Variants in CERT1 observed in about 807,000 individuals in gnomAD.
The protein encoded by CERT1 is ceramide transfer protein.
In CERT1, 31 loss-of-function variants were observed where a neutral mutation model predicts 87.9. That is an observed-to-expected ratio of 0.35 (90% CI 0.27 to 0.48). The LOEUF (loss-of-function observed/expected upper bound fraction) is 0.48. CERT1 is among the 20% of genes least tolerant of loss of function. The pLI is 0.99. For synonymous variants in CERT1, 289 were observed against 250.9 expected, an observed-to-expected ratio of 1.15 and a Z score of -1.44; for missense variants, 487 against 758.0, an observed-to-expected ratio of 0.64 and a Z score of 4.20.
intron 1 of CERT1, among the ~76,000 whole-genome samples, chr5:75,507,401 C>T (rs959124527): frequency 6.6e-6 from 1 of 152,068 alleles, no homozygotes; most frequent in Non-Finnish European, 1.5e-5. Flanking sequence ...GAGCCACCAT[C>T]CCTAGCCAGT....
At chr5:75,413,705 C>A (rs1763022903) in intron 7 of CERT1, among the ~76,000 whole-genome samples, 1 of 151,578 alleles carries the variant, frequency 6.6e-6, no homozygotes, top group South Asian at 2.1e-4. Context: ...ACACACAATA[C>A]CAAGTACAGT....
chr5:75,488,041 T>C (rs559232381), intron 2 of CERT1, among the ~76,000 whole-genome samples: 2 of 152,102 alleles, frequency 1.3e-5, no homozygotes, highest in African/African-American at 4.8e-5. Flanking sequence ...AGTACAATGA[T>C]GGTTACCAGA....
At chr5:75,469,748 T>C (rs547338343) in intron 2 of CERT1, among the ~76,000 whole-genome samples, 1 of 152,188 alleles carries the variant, frequency 6.6e-6, no homozygotes, top group South Asian at 2.1e-4. Flanking sequence ...GCCTTAAATA[T>C]AAATGGATTA....
chr5:75,459,246 A>G, intron 2 of CERT1, 65 bp from the exon 3 acceptor site: 1 of 897,486 alleles, frequency 1.1e-6, no homozygotes, highest in Non-Finnish European at 1.9e-6. Context: ...TTACACCCCA[A>G]AGCCAAAACA....
Position 75,398,183 on chromosome 5 carries a change from G to A in CERT1, c.1188+1127C>T, listed in dbSNP as rs1580715023. On this transcript the variant is annotated intron_variant, in intron 11 of 16. Coordinates refer to ENST00000643780, the MANE Select transcript of CERT1 (RefSeq NM_001379029.1). The stretch of plus-strand genomic sequence containing the variant: ...CGCTGTACAAGTCAGAAAAATTAAA[G>A]TCTTAATATTCTTCTCTATTGCAGG... Among the ~76,000 whole-genome samples, 4 of 152,144 alleles carry A rather than the reference G, an allele frequency of 2.6e-5. 1 individual carries two copies. Among genetic ancestry groups the A allele is most frequent in the Admixed American group, 2.6e-4 (4 of 15,290 alleles).
intron 1 of CERT1, 120 bp from the exon 2 acceptor site, chr5:75,506,236 A>C: frequency 1.2e-6 from 1 of 849,172 alleles, no homozygotes; most frequent in Non-Finnish European, 1.8e-6. Flanking sequence ...GTCCAACTTA[A>C]TTCTAAGCAT....
intron 3 of CERT1, among the ~76,000 whole-genome samples, chr5:75,435,107 T>C (rs112917711): frequency 3.7e-4 from 57 of 152,284 alleles, no homozygotes; most frequent in African/African-American, 8.9e-4. Flanking sequence ...GTAGGCATAT[T>C]TTTTGGAGGT....
At chr5:75,456,505 C>T (rs1332594164) in intron 3 of CERT1, among the ~76,000 whole-genome samples, 1 of 151,554 alleles carries the variant, frequency 6.6e-6, no homozygotes, top group Non-Finnish European at 1.5e-5. Context: ...CGTGTCTCTA[C>T]CAAAAATACA....
At chr5:75,410,348 G>T (rs184138876) in intron 8 of CERT1, among the ~76,000 whole-genome samples, 1 of 151,990 alleles carries the variant, frequency 6.6e-6, no homozygotes, top group Non-Finnish European at 1.5e-5. Flanking sequence ...GGTGGCTCAC[G>T]CCTGTAATGC....
At chr5:75,421,022 C>T (rs1054647679) in intron 5 of CERT1, among the ~76,000 whole-genome samples, 9 of 151,942 alleles carry the variant, frequency 5.9e-5, no homozygotes, top group African/African-American at 7.3e-5. Flanking sequence ...TTGCCCAGGC[C>T]GGTTTCAAAC....
rs1319875292 is a variant in CERT1 at position 75,378,524 on chromosome 5, G to A, written c.*822C>T. On this transcript the variant is annotated 3_prime_UTR_variant, in exon 17 of 17. Transcript: ENST00000643780. ...ATGGAACCAACTCAGACATTAACAT[G>A]GGACTAGTTAATAAATTCTGCAACA... 1 of 152,114 alleles carries A rather than the reference G, an allele frequency of 6.6e-6. No homozygotes were observed. The highest frequency in any genetic ancestry group is 1.5e-5 in the Non-Finnish European group (1 of 68,036). 9.4% of individuals were successfully genotyped at this position (152,114 alleles called of 1,614,324 possible).
At chr5:75,433,046 C>T (rs1013111178) in intron 3 of CERT1, among the ~76,000 whole-genome samples, 1 of 152,112 alleles carries the variant, frequency 6.6e-6, no homozygotes, top group East Asian at 1.9e-4. Flanking sequence ...TAACCTATTC[C>T]ACTGGTCATG....
chr5:75,458,997 T>C, intron 3 of CERT1, 68 bp downstream of exon 3: 4 of 836,134 alleles, frequency 4.8e-6, no homozygotes, highest in Non-Finnish European at 7.9e-6. Context: ...TGTCAACTTT[T>C]TTTTTAAGGT....
At chr5:75,453,321 C>T (rs1764836086) in intron 3 of CERT1, among the ~76,000 whole-genome samples, 1 of 152,058 alleles carries the variant, frequency 6.6e-6, no homozygotes, top group African/African-American at 2.4e-5. Flanking sequence ...AATTTGCGTG[C>T]CCAATGCTTT....
At chr5:75,503,967 C>A (rs191136459) in intron 2 of CERT1, among the ~76,000 whole-genome samples, 124 of 1,590 alleles carry the variant, frequency 0.078, no homozygotes, top group Non-Finnish European at 0.11. Flanking sequence ...GTCCATAATT[C>A]AAGACAGAAT....
intron 10 of CERT1, among the ~76,000 whole-genome samples, chr5:75,399,864 C>T (rs373724777): frequency 6.6e-6 from 1 of 152,138 alleles, no homozygotes; most frequent in African/African-American, 2.4e-5. Flanking sequence ...TCCGGCTGGG[C>T]ATGGTGGCTC....
upstream of CERT1, chr5:75,511,723 A>T: frequency 6.5e-7 from 1 of 1,544,758 alleles, no homozygotes; most frequent in South Asian, 1.2e-5. Flanking sequence ...CTGACGCGAC[A>T]CGCCGAGCCT....
chr5:75,453,322 C>T (rs62366598), intron 3 of CERT1, among the ~76,000 whole-genome samples: 6,803 of 152,024 alleles, frequency 0.045, 202 homozygotes, highest in Non-Finnish European at 0.068. Flanking sequence ...ATTTGCGTGC[C>T]CAATGCTTTG....
At chr5:75,491,104 T>A (rs1766773811) in intron 2 of CERT1, among the ~76,000 whole-genome samples, 1 of 152,188 alleles carries the variant, frequency 6.6e-6, no homozygotes, top group Non-Finnish European at 1.5e-5. Flanking sequence ...TTTCCCTAAT[T>A]TTATAAACTA....
Sources: allele counts gnomAD v4.1 joint callset (sites outside exome capture counted in the v4.1 genomes callset), GRCh38; gene constraint gnomAD v4.1.1; transcripts MANE v1.5; gene names NCBI Gene and HGNC (gene_info 2026-07-23, HGNC 2026-07-21).